The following DGKB variants were observed in gnomAD, a reference collection of about 807,000 sequenced individuals.
The protein encoded by DGKB is diacylglycerol kinase beta.
A neutral mutation model predicts 114.3 loss-of-function variants in DGKB; 67 were observed. The observed-to-expected ratio is 0.59, with a 90% CI of 0.48 to 0.72. The LOEUF is 0.72. Ranked by LOEUF, DGKB falls within the 30% of genes least tolerant of loss-of-function variation. The pLI is 0.00. For missense variants in DGKB, 907 were observed against 975.2 expected (o/e 0.93, Z 0.93); for synonymous variants, 398 against 323.1 (o/e 1.23, Z -2.49).
intron 2 of DGKB, among the ~76,000 whole-genome samples, chr7:14,828,979 G>A (rs1313549093): frequency 6.6e-6 from 1 of 152,092 alleles, no homozygotes; most frequent in Non-Finnish European, 1.5e-5. Flanking sequence ...TGCTAAGCAA[G>A]AATGTAAGTC....
chr7:14,650,857 T>A (rs1814300690), intron 13 of DGKB, among the ~76,000 whole-genome samples: 1 of 151,380 alleles, frequency 6.6e-6, no homozygotes, highest in South Asian at 2.1e-4. Flanking sequence ...CATCAGAGAA[T>A]AATACAAACA....
At chr7:14,429,016 A>T (rs1483652091) in intron 21 of DGKB, among the ~76,000 whole-genome samples, 1 of 152,182 alleles carries the variant, frequency 6.6e-6, no homozygotes, top group East Asian at 1.9e-4. Flanking sequence ...GTAGATTTTT[A>T]ATTTTCATAG....
At chr7:14,937,099 C>T (rs1336540320) in intron 1 of DGKB, among the ~76,000 whole-genome samples, 3 of 149,188 alleles carry the variant, frequency 2.0e-5, no homozygotes, top group Non-Finnish European at 4.5e-5. Context: ...TATAATTTTG[C>T]TACATTTTTT....
chr7:14,535,378 G>GA lies in DGKB; in HGVS notation c.1770+38833dup, dbSNP rs111762380. 1.5e-3 allele frequency among the ~76,000 whole-genome samples: 188 copies of GA among 123,648 alleles called. 1 individual carries two copies. The highest frequency in any genetic ancestry group is 3.0e-3 in the Admixed American group (37 of 12,466). 81.1% of individuals were successfully genotyped at this position (123,648 alleles called of 152,430 possible). On this transcript the variant is annotated intron_variant, in intron 20 of 25. Coordinates refer to ENST00000402815, the MANE Select transcript of DGKB (RefSeq NM_001350709.2). Reference sequence around the variant, plus strand: ...AGTAAGGCCCTGTCTCTTAAAAAAAGAAAAAAAAAAAAAAAAGAAAGAAAG... The same window carrying GA: ...AGTAAGGCCCTGTCTCTTAAAAAAAGAAAAAAAAAAAAAAAAAGAAAGAAAG...
intron 9 of DGKB, among the ~76,000 whole-genome samples, chr7:14,687,932 C>T (rs1341966641): frequency 6.6e-6 from 1 of 152,164 alleles, no homozygotes; most frequent in African/African-American, 2.4e-5. Flanking sequence ...AAATCCATTA[C>T]CCAGGCATAA....
intron 2 of DGKB, among the ~76,000 whole-genome samples, chr7:14,782,462 A>AT (rs1326384964): frequency 1.3e-5 from 2 of 152,124 alleles, no homozygotes; most frequent in Non-Finnish European, 2.9e-5. Context: ...TGATAATTTT[A>AT]TTTTTTTCAA....
intron 2 of DGKB, among the ~76,000 whole-genome samples, chr7:14,774,731 G>C (rs942100142): frequency 1.3e-5 from 2 of 152,060 alleles, no homozygotes; most frequent in African/African-American, 4.8e-5. Context: ...AAGTGAAATT[G>C]GCAGCAAATT....
intron 1 of DGKB, among the ~76,000 whole-genome samples, chr7:14,877,066 A>G (rs1036497258): frequency 1.3e-5 from 2 of 152,212 alleles, no homozygotes; most frequent in African/African-American, 4.8e-5. Flanking sequence ...AAGAACTCAT[A>G]TAACCACAGT....
intron 23 of DGKB, among the ~76,000 whole-genome samples, chr7:14,289,744 CAAAAA>C (rs3067647): frequency 1.9e-4 from 24 of 126,796 alleles, no homozygotes; most frequent in Non-Finnish European, 3.2e-4. Flanking sequence ...AGACATGGAC[CAAAAA>C]AAAAAAAAAA....
At chr7:14,458,927 G>A (rs1183946083) in intron 21 of DGKB, among the ~76,000 whole-genome samples, 1 of 152,128 alleles carries the variant, frequency 6.6e-6, no homozygotes, top group Non-Finnish European at 1.5e-5. Context: ...CATCCCCACA[G>A]AGCCCAGCAA....
chr7:14,759,262 C>T (rs538557048), intron 2 of DGKB, among the ~76,000 whole-genome samples: 11 of 152,286 alleles, frequency 7.2e-5, no homozygotes, highest in Admixed American at 5.2e-4. Context: ...AAATTCGTGT[C>T]ACATAAAATT....
intron 1 of DGKB, among the ~76,000 whole-genome samples, chr7:14,945,644 G>C (rs547834783): frequency 6.6e-6 from 1 of 151,640 alleles, no homozygotes; most frequent in African/African-American, 2.4e-5. Context: ...AACTATATCA[G>C]AACACATGCC....
rs1322249069 is a variant in DGKB, at chr7:14,153,946, A to G, written c.2305-4708T>C. On this transcript the variant is annotated intron_variant, in intron 25 of 25. Transcript: ENST00000402815. ...GTAGAATGAAGACATTTTCAGTCAC[A>G]AAAGTATCTAGAGAATTTGCCTCTT... Among the ~76,000 whole-genome samples, 4 of 152,170 alleles carry G rather than the reference A, an allele frequency of 2.6e-5. No individual in the cohort carries two copies. In the East Asian group the frequency reaches 7.7e-4, roughly 29 times the overall value.
intron 23 of DGKB, among the ~76,000 whole-genome samples, chr7:14,300,334 A>G (rs186020356): frequency 3.3e-5 from 5 of 152,204 alleles, no homozygotes; most frequent in Admixed American, 3.3e-4. Flanking sequence ...TAGGTGAGGC[A>G]TGAACTTACA....
intron 23 of DGKB, among the ~76,000 whole-genome samples, chr7:14,278,395 G>C (rs1011662861): frequency 3.3e-5 from 5 of 152,174 alleles, no homozygotes; most frequent in Non-Finnish European, 5.9e-5. Context: ...AATGGGGAAA[G>C]GACAGTATCT....
intron 21 of DGKB, among the ~76,000 whole-genome samples, chr7:14,450,633 A>C (rs988973202): frequency 2.0e-5 from 3 of 152,202 alleles, no homozygotes; most frequent in Admixed American, 2.0e-4. Flanking sequence ...ATGGCAATCA[A>C]AGAATCCTAG....
intron 23 of DGKB, among the ~76,000 whole-genome samples, chr7:14,233,628 C>T (rs1369828786): frequency 1.2e-4 from 18 of 151,890 alleles, no homozygotes; most frequent in Non-Finnish European, 4.4e-5. Context: ...CTATAAATTG[C>T]CTAAAGATGA....
intron 10 of DGKB, among the ~76,000 whole-genome samples, chr7:14,684,464 A>G (rs1167373801): frequency 6.6e-6 from 1 of 152,162 alleles, no homozygotes; most frequent in East Asian, 1.9e-4. Context: ...AGGGGTTATA[A>G]TATCTACCCT....
In DGKB at chr7:14,483,372, A is replaced by G. The variant is rs544002319; in HGVS notation, c.1771-5147T>C. ...GGAGAGATATTTTACCTGAAGATGG[A>G]TGATACTAAGTGTCATCTGTATCTG... On this transcript the variant is annotated intron_variant, in intron 20 of 25. Transcript: ENST00000402815. Among the ~76,000 whole-genome samples, 241 of 152,308 alleles carry G rather than the reference A, an allele frequency of 1.6e-3. 1 individual carries two copies. Among genetic ancestry groups the G allele is most frequent in the Middle Eastern group, 3.4e-3 (1 of 294 alleles).
Sources: allele counts gnomAD v4.1 joint callset (sites outside exome capture counted in the v4.1 genomes callset), GRCh38; gene constraint gnomAD v4.1.1; transcripts MANE v1.5; gene names NCBI Gene and HGNC (gene_info 2026-07-23, HGNC 2026-07-21).